The following NBEA variants were observed in gnomAD, a reference collection of about 807,000 sequenced individuals.
NBEA encodes the protein neurobeachin.
In NBEA, 44 loss-of-function variants were observed where a neutral mutation model predicts 343.4. The ratio of observed to expected loss-of-function variants is 0.13; its 90% confidence interval spans 0.10 to 0.16. NBEA has a LOEUF of 0.16. Among genes scored for constraint, NBEA ranks in the 10% least tolerant of loss-of-function variants. The probability of loss-of-function intolerance (pLI) is 1.00; values close to 1 mark genes in which losing one functional copy is unlikely to be tolerated. For missense variants in NBEA, 2,555 were observed against 3,631.3 expected (o/e 0.70, Z 7.62); for synonymous variants, 1,175 against 1,238.7 (o/e 0.95, Z 1.08).
At chr13:35,525,553 C>G (rs1029424147) in intron 41 of NBEA, among the ~76,000 whole-genome samples, 1 of 151,548 alleles carries the variant, frequency 6.6e-6, no homozygotes, top group African/African-American at 2.4e-5. Context: ...GATTCCATCT[C>G]AATAAATAAA....
chr13:35,587,670 C>CTTCT (rs763486002), intron 46 of NBEA, among the ~76,000 whole-genome samples: 1 of 152,204 alleles, frequency 6.6e-6, no homozygotes, highest in Non-Finnish European at 1.5e-5. Flanking sequence ...ATTTACAAGA[C>CTTCT]TTCTTCAAGT....
At chr13:35,596,652 C>T (rs1021096691) in intron 47 of NBEA, among the ~76,000 whole-genome samples, 17 of 152,102 alleles carry the variant, frequency 1.1e-4, no homozygotes, top group Admixed American at 5.2e-4. Context: ...TTCTTTCCCT[C>T]TAGCCTAGTC....
intron 40 of NBEA, among the ~76,000 whole-genome samples, chr13:35,457,554 G>A (rs2046652263): frequency 6.6e-6 from 1 of 152,118 alleles, no homozygotes; most frequent in African/African-American, 2.4e-5. Context: ...TTTAGTGTCT[G>A]CCTTCTTTCA....
At chr13:35,130,969 G>A (rs1250882833) in intron 17 of NBEA, among the ~76,000 whole-genome samples, 1 of 151,866 alleles carries the variant, frequency 6.6e-6, no homozygotes, top group Non-Finnish European at 1.5e-5. Flanking sequence ...GTGAGATTTG[G>A]TCTAAATGAT....
At chr13:35,520,100 T>C (rs1294342696) in intron 41 of NBEA, among the ~76,000 whole-genome samples, 1 of 152,140 alleles carries the variant, frequency 6.6e-6, no homozygotes, top group African/African-American at 2.4e-5. Flanking sequence ...AAGTATTAGA[T>C]TTTCATAAAG....
At chr13:35,295,773 A>G (rs2036087781) in intron 35 of NBEA, among the ~76,000 whole-genome samples, 1 of 152,176 alleles carries the variant, frequency 6.6e-6, no homozygotes, top group Non-Finnish European at 1.5e-5. Flanking sequence ...GCTCTCTGTT[A>G]TATGTTCAAT....
chr13:35,118,232 G>A lies in NBEA; in HGVS notation c.2087G>A (p.Arg696Gln), dbSNP rs776742562. 40 of 1,491,528 alleles carry A rather than the reference G, an allele frequency of 2.7e-5. No homozygotes were observed. Among genetic ancestry groups the A allele is most frequent in the Non-Finnish European group, 2.5e-5 (28 of 1,114,672 alleles). 92.4% of individuals were successfully genotyped at this position (1,491,528 alleles called of 1,614,324 possible). The change falls in exon 15 of 59, where the codon CGA becomes CAA. Residue 696 changes from arginine to glutamine, a missense_variant. Physicochemically the swap from Arg to Gln is conservative, Grantham distance 43. This residue lies in a region of NBEA where 360 missense variants were observed against 519.1 expected (regional missense o/e 0.69). Transcript: ENST00000379939. ...AAAATATTTTTTAAAAATTAGGATC[G>A]AGGGGTCAAGGAAGATGAACTTCAG... ...LFLKQLILKD[R>Q]GVKEDELQSI... is the part of the protein sequence containing the mutation.
At chr13:35,117,264 A>G (rs188245088) in intron 13 of NBEA, 150 bp from the exon 14 acceptor site, 14 of 289,420 alleles carry the variant, frequency 4.8e-5, no homozygotes. Context: ...GGATACTCAT[A>G]TATTATTAAA....
intron 10 of NBEA, among the ~76,000 whole-genome samples, chr13:35,087,725 C>G (rs1048750030): frequency 2.0e-5 from 3 of 151,732 alleles, no homozygotes; most frequent in Non-Finnish European, 4.4e-5. Context: ...GATATATGCT[C>G]TAGAGAGAGC....
chr13:35,414,917 T>C (rs1445675839), intron 38 of NBEA, among the ~76,000 whole-genome samples: 1 of 152,176 alleles, frequency 6.6e-6, no homozygotes, highest in Non-Finnish European at 1.5e-5. Context: ...GATTCAATGA[T>C]CGCCATTCTA....
At chr13:35,066,284 A>AT (rs1371945075) in intron 8 of NBEA, among the ~76,000 whole-genome samples, 1 of 152,112 alleles carries the variant, frequency 6.6e-6, no homozygotes, top group Admixed American at 6.6e-5. Context: ...AAGAATGTGT[A>AT]TTAAGCTGTT....
intron 11 of NBEA, among the ~76,000 whole-genome samples, chr13:35,108,827 T>C (rs1433843861): frequency 1.3e-5 from 2 of 152,128 alleles, no homozygotes; most frequent in Non-Finnish European, 1.5e-5. Flanking sequence ...AAGCATACTA[T>C]ATCATCCAAG....
chr13:35,322,244 TCTC>T (rs1189561331), intron 36 of NBEA, among the ~76,000 whole-genome samples: 1 of 151,930 alleles, frequency 6.6e-6, no homozygotes. Flanking sequence ...CCCAAGAAAA[TCTC>T]CTGGTCTGTG....
chr13:35,075,365 C>T (rs906322430), intron 10 of NBEA, among the ~76,000 whole-genome samples: 1 of 151,938 alleles, frequency 6.6e-6, no homozygotes, highest in Non-Finnish European at 1.5e-5. Flanking sequence ...TTAGATGCAA[C>T]TTTTTAATTA....
intron 1 of NBEA, among the ~76,000 whole-genome samples, chr13:34,980,731 T>G (rs1359263713): frequency 6.6e-6 from 1 of 152,122 alleles, no homozygotes; most frequent in African/African-American, 2.4e-5. Context: ...AGATTACAAT[T>G]AAGATGTTAG....
At chr13:35,429,887 G>A (rs1371127225) in intron 38 of NBEA, among the ~76,000 whole-genome samples, 1 of 151,436 alleles carries the variant, frequency 6.6e-6, no homozygotes, top group Non-Finnish European at 1.5e-5. Context: ...GGCTGGTTTT[G>A]TATTTTTGCA....
intron 10 of NBEA, among the ~76,000 whole-genome samples, chr13:35,096,233 A>G (rs1446984866): frequency 6.8e-6 from 1 of 147,368 alleles, no homozygotes; most frequent in Non-Finnish European, 1.5e-5. Context: ...TGGTATTGCT[A>G]TTGCATTGGG....
At chr13:35,436,664 C>A (rs1316090162) in intron 39 of NBEA, among the ~76,000 whole-genome samples, 1 of 149,144 alleles carries the variant, frequency 6.7e-6, no homozygotes, top group Non-Finnish European at 1.5e-5. Context: ...GAGCCTAGAT[C>A]GCGCCAATGC....
chr13:35,308,608 GTATATATATATGCA>G (rs2037145228), intron 35 of NBEA, among the ~76,000 whole-genome samples: 2 of 122,482 alleles, frequency 1.6e-5, no homozygotes, highest in African/African-American at 6.2e-5. Context: ...ATGTATATAT[GTATATATATATGCA>G]CACACACACA....
Sources: gnomAD v4.1 joint callset for allele counts (sites outside exome capture counted in the v4.1 genomes callset) on GRCh38, gnomAD v4.1.1 for gene constraint, gnomAD v4.1.1 regional missense constraint, MANE v1.5 for transcripts, NCBI Gene and HGNC (gene_info 2026-07-23, HGNC 2026-07-21) for gene names.